Variants in RAG2 observed in about 807,000 individuals in gnomAD.
The protein encoded by RAG2 is recombination activating 2.
RAG2 carries 16 observed loss-of-function variants against 31.8 expected under a neutral mutation model. That is an observed-to-expected ratio of 0.50 (90% CI 0.34 to 0.76). RAG2 has a LOEUF of 0.76. Among genes scored for constraint, RAG2 ranks in the 30% least tolerant of loss-of-function variants. The pLI, the probability that RAG2 is intolerant of heterozygous loss-of-function variation, is 0.01. For missense variants in RAG2, 622 were observed against 628.5 expected (o/e 0.99, Z 0.11); for synonymous variants, 199 against 215.9 (o/e 0.92, Z 0.68).
intron 1 of RAG2, 191 bp from the exon 2 acceptor site, chr11:36,594,386 G>T (rs1851118884): frequency 3.4e-6 from 2 of 593,176 alleles, no homozygotes; most frequent in Admixed American, 2.9e-5. Context: ...CCAAGGAGCT[G>T]GGACATGTTT....
At chr11:36,591,635 A>G (rs1652639684), downstream of RAG2, among the ~76,000 whole-genome samples, 1 of 151,842 alleles carries the variant, frequency 6.6e-6, no homozygotes, top group Non-Finnish European at 1.5e-5. Flanking sequence ...ACTCACACAA[A>G]TACATTTCTT....
Position 36,592,071 on chromosome 11 carries a change from C to G in RAG2, c.*514G>C, listed in dbSNP as rs367981268. Reference sequence around the variant, plus strand: ...AAACTAACTTGTTCATGGGCATAATCCAAAGGGTTGCTTGAAGGTATATAA... The same window carrying G: ...AAACTAACTTGTTCATGGGCATAATGCAAAGGGTTGCTTGAAGGTATATAA... On this transcript the variant is annotated 3_prime_UTR_variant, in exon 2 of 2. Transcript: ENST00000311485. 2 of 165,124 alleles carry G rather than the reference C, an allele frequency of 1.2e-5. No individual in the cohort carries two copies. The highest frequency in any genetic ancestry group is 4.8e-5 in the African/African-American group (2 of 41,482). The allele number at this position is 165,124 out of a possible 1,614,324, so 10.2% of individuals were successfully genotyped here. A position where few individuals can be genotyped will look rare whatever the true frequency, so the allele number is the denominator to read the frequency against.
intron 1 of RAG2, chr11:36,597,787 G>T (rs2133337340): frequency 6.6e-6 from 1 of 152,246 alleles, no homozygotes; most frequent in African/African-American, 2.4e-5. Flanking sequence ...TGTTAATCAG[G>T]TTTGAGGCAT....
rs754108996 is a variant in RAG2, at chr11:36,593,279, ATCTTGTTGTCC to A, written c.879_889del (p.Glu293AspfsTer5). The A allele has an allele frequency of 6.2e-7, 1 of 1,614,070 alleles. No homozygotes were observed. Among genetic ancestry groups the A allele is most frequent in the Non-Finnish European group, 8.5e-7 (1 of 1,180,024 alleles). On this transcript the variant is annotated frameshift_variant, in exon 2 of 2. Coordinates refer to ENST00000311485, the MANE Select transcript of RAG2 (RefSeq NM_000536.4). LOFTEE classifies it high-confidence loss of function. Reference sequence around the variant, plus strand: ...TGGGGTCTCCATCTCACGAATTTCTATCTTGTTGTCCTCTAAAGAGATGATGTTGCAGATCA... The same window carrying A: ...TGGGGTCTCCATCTCACGAATTTCTATCTAAAGAGATGATGTTGCAGATCA...
At chr11:36,595,261 A>C (rs890611966) in intron 1 of RAG2, 3 of 152,126 alleles carry the variant, frequency 2.0e-5, no homozygotes, top group African/African-American at 4.8e-5. Context: ...GTAATTCTTT[A>C]ATAATTCTGT....
intron 1 of RAG2, among the ~76,000 whole-genome samples, chr11:36,596,233 T>TTTTTTTTTC (rs1851242805): frequency 6.6e-6 from 1 of 150,690 alleles, no homozygotes. Flanking sequence ...TTTTTTTTTT[T>TTTTTTTTTC]TTTTGCTTTA....
In RAG2 at chr11:36,593,756, T is replaced by C; in HGVS notation, c.413A>G (p.Tyr138Cys). 1 of 1,614,216 alleles carries C rather than the reference T, an allele frequency of 6.2e-7. No homozygotes were observed. Among genetic ancestry groups the C allele is most frequent in the Non-Finnish European group, 8.5e-7 (1 of 1,180,036 alleles). ...GTACACCACATTAATGGAATGACCA[T>C]ATCTGGCTTCAGGAACATCTCCTAC... ...DLVGDVPEARYGHSINVVYSR... is the reference protein window; with the variant it reads ...DLVGDVPEARCGHSINVVYSR... The change falls in exon 2 of 2, where the codon TAT (tyrosine) becomes TGT (cysteine). Residue 138 changes from tyrosine (Y) to cysteine (C), a missense_variant. By Grantham distance (194) the Tyr-to-Cys change is radical. Coordinates refer to ENST00000311485, the MANE Select transcript of RAG2 (RefSeq NM_000536.4).
intron 1 of RAG2, 186 bp from the exon 2 acceptor site, chr11:36,594,381 G>T: frequency 1.7e-6 from 1 of 597,270 alleles, no homozygotes; most frequent in East Asian, 2.8e-5. Flanking sequence ...TCCATCCAAG[G>T]AGCTGGGACA....
intron 1 of RAG2, 78 bp downstream of exon 1, chr11:36,598,024 G>A (rs1851348835): frequency 2.0e-5 from 3 of 152,064 alleles, no homozygotes; most frequent in South Asian, 2.1e-4. Flanking sequence ...CCAAAATGTG[G>A]CATCTTCATT....
chr11:36,591,343 G>A (rs764494406), downstream of RAG2, among the ~76,000 whole-genome samples: 4 of 152,080 alleles, frequency 2.6e-5, no homozygotes, highest in Non-Finnish European at 4.4e-5. Context: ...TAGACTTTCA[G>A]TGAGGAGTAA....
chr11:36,597,505 A>T (rs1374631582), intron 1 of RAG2: 1 of 152,164 alleles, frequency 6.6e-6, no homozygotes, highest in Admixed American at 6.5e-5. Flanking sequence ...TCCCAACCCC[A>T]TGCTAACATT....
At position 36,592,763 on chromosome 11, in the gene RAG2, A is replaced by C; in HGVS notation, c.1406T>G (p.Leu469Arg). 1 of 1,614,148 alleles carries C rather than the reference A, an allele frequency of 6.2e-7. No individual in the cohort carries two copies. Among genetic ancestry groups the C allele is most frequent in the Non-Finnish European group, 8.5e-7 (1 of 1,180,010 alleles). Residue 469 changes from leucine to arginine, a missense_variant, in exon 2 of 2, where the codon CTG becomes CGG. Coordinates refer to ENST00000311485, the MANE Select transcript of RAG2 (RefSeq NM_000536.4). The part of the protein sequence containing the change: ...MDLAERTLIH[L>R]SAGSNKYYCN... Reference sequence around the variant, plus strand: ...GTAATACTTGTTGCTTCCTGCTGACAGATGGATGAGTGTGCGTTCTGCCAG... The same window carrying C: ...GTAATACTTGTTGCTTCCTGCTGACCGATGGATGAGTGTGCGTTCTGCCAG...
At position 36,592,526 on chromosome 11, in the gene RAG2, T is replaced by G; in HGVS notation, c.*59A>C. 2 of 1,583,544 alleles carry G rather than the reference T, an allele frequency of 1.3e-6. No homozygotes were observed. The highest frequency in any genetic ancestry group is 1.7e-6 in the Non-Finnish European group (2 of 1,162,294). ...AAATGTATTTTTAAAATCAATGTTA[T>G]GATTTTAAAAATAGATTCAAAAATT... is the stretch of plus-strand genomic sequence containing the variant. On this transcript the variant is annotated 3_prime_UTR_variant, in exon 2 of 2. Transcript: ENST00000311485.
chr11:36,598,011 C>G (rs1035897449), intron 1 of RAG2, 91 bp downstream of exon 1: 26 of 152,258 alleles, frequency 1.7e-4, no homozygotes, highest in African/African-American at 6.3e-4. Context: ...GACTAACACA[C>G]TGCCAAAATG....
rs779267024 is a variant in RAG2 at position 36,592,643 on chromosome 11, C to A, written c.1526G>T (p.Gly509Val). ...KPPMKSLRKK[G>V]SGKILTPAKK... ...GGCAGGAGTCAAGATTTTTCCAGAA[C>A]CTTTTTTACGGAGGGATTTCATTGG... Residue 509 changes from glycine (G) to valine (V), a missense_variant, in exon 2 of 2, where the codon GGT (glycine) becomes GTT (valine). Physicochemically the swap from Gly to Val is moderately radical, Grantham distance 109 (BLOSUM62 -3). Transcript: ENST00000311485. 1.1e-5 allele frequency: 17 copies of A among 1,614,030 alleles called. No homozygotes were observed. Among genetic ancestry groups the A allele is most frequent in the Non-Finnish European group, 1.4e-5 (17 of 1,180,014 alleles).
intron 1 of RAG2, among the ~76,000 whole-genome samples, chr11:36,597,131 T>A (rs779246472): frequency 3.9e-5 from 6 of 152,262 alleles, no homozygotes; most frequent in Non-Finnish European, 7.3e-5. Flanking sequence ...AACCAGATGA[T>A]GTATGCATTT....
At chr11:36,597,651 C>CTG (rs1851326486) in intron 1 of RAG2, 1 of 152,118 alleles carries the variant, frequency 6.6e-6, no homozygotes, top group Non-Finnish European at 1.5e-5. Context: ...AAGAAAGATA[C>CTG]TGTACTGTGA....
intron 1 of RAG2, among the ~76,000 whole-genome samples, chr11:36,597,026 A>G (rs549190169): frequency 6.6e-6 from 1 of 152,292 alleles, no homozygotes; most frequent in Non-Finnish European, 1.5e-5. Context: ...TCAAGGCCCT[A>G]AAAACAGTGG....
At position 36,593,094 on chromosome 11, in the gene RAG2, G is replaced by A; in HGVS notation, c.1075C>T (p.Gln359Ter). The A allele has an allele frequency of 6.2e-7, 1 of 1,613,962 alleles. No individual in the cohort carries two copies. Among genetic ancestry groups the A allele is most frequent in the Non-Finnish European group, 8.5e-7 (1 of 1,179,868 alleles). The change falls in exon 2 of 2, where the codon CAG becomes TAG. Residue 359 changes from glutamine (Q) to a stop codon, truncating the protein, a stop_gained. Coordinates refer to ENST00000311485, the MANE Select transcript of RAG2 (RefSeq NM_000536.4). LOFTEE classifies it high-confidence loss of function. The part of the protein sequence containing the change: ...KCAEDDTNEE[Q>*]TTFTNSQTST... ...GTTTGACTGTTTGTGAATGTTGTCT[G>A]CTCTTCATTAGTATCATCTTCAGCA...
Sources: allele counts gnomAD v4.1 joint callset (sites outside exome capture counted in the v4.1 genomes callset), GRCh38; gene constraint gnomAD v4.1.1; transcripts MANE v1.5; gene names NCBI Gene and HGNC (gene_info 2026-07-23, HGNC 2026-07-21).